The following NTSR1 variants were observed in gnomAD, a reference collection of about 807,000 sequenced individuals.
NTSR1 encodes the protein neurotensin receptor 1, also known as neurotensin receptor type 1.
A neutral mutation model predicts 31.2 loss-of-function variants in NTSR1; 29 were observed. The observed-to-expected ratio is 0.93, with a 90% confidence interval of 0.69 to 1.27. The LOEUF (loss-of-function observed/expected upper bound fraction) is 1.27, where lower values mean the gene tolerates loss of function less well. Among genes scored for constraint, NTSR1 ranks in the 50% most tolerant of loss-of-function variants. The probability of loss-of-function intolerance (pLI) is 0.00; values close to 1 mark genes in which losing one functional copy is unlikely to be tolerated. For synonymous variants in NTSR1, 282 were observed against 269.9 expected (o/e 1.04, Z -0.44); for missense variants, 697 against 595.4 (o/e 1.17, Z -1.78).
At chr20:62,757,325 G>A (rs545311739) in intron 2 of NTSR1, among the ~76,000 whole-genome samples, 2 of 152,292 alleles carry the variant, frequency 1.3e-5, no homozygotes, top group Admixed American at 1.3e-4. Flanking sequence ...TGAATAGACT[G>A]TCCTTTCCCC....
In NTSR1 at chr20:62,760,858, GCCGTGGGGAGTCCCTCCCACCA is replaced by G. The variant is rs1568714213; in HGVS notation, c.*594_*615del. On this transcript the variant is annotated 3_prime_UTR_variant, in exon 4 of 4. Coordinates refer to ENST00000370501, the MANE Select transcript of NTSR1 (RefSeq NM_002531.3). Reference sequence around the variant, plus strand: ...AGGCCTGGCAAGCTGGGGGCCCATCGCCGTGGGGAGTCCCTCCCACCACCCTCGCCGCAGGCAGCTGCAGCCC... The same window carrying G: ...AGGCCTGGCAAGCTGGGGGCCCATCGCCCTCGCCGCAGGCAGCTGCAGCCC... 1 of 152,704 alleles carries G rather than the reference GCCGTGGGGAGTCCCTCCCACCA, an allele frequency of 6.5e-6. No homozygotes were observed. The highest frequency in any genetic ancestry group is 2.4e-5 in the African/African-American group (1 of 41,442). 9.5% of individuals were successfully genotyped at this position (152,704 alleles called of 1,614,324 possible).
At chr20:62,718,529 C>G (rs1988774749) in intron 1 of NTSR1, among the ~76,000 whole-genome samples, 1 of 151,614 alleles carries the variant, frequency 6.6e-6, no homozygotes, top group Non-Finnish European at 1.5e-5. Flanking sequence ...CCCTCCAGCC[C>G]TGTGGCCCAC....
chr20:62,715,513 G>A lies in NTSR1; in HGVS notation c.714+5592G>A, dbSNP rs534580936. On this transcript the variant is annotated intron_variant, in intron 1 of 3. Transcript: ENST00000370501. This position sits in a 1 kb window ranked among gnomAD's most constrained non-coding sequence, Gnocchi z 4.7. ...GAGTGAGATGGGCAAGGGTGGGAAC[G>A]TGAGGGGCCCAGAGCTGGCCATGGC... 4.6e-5 allele frequency among the ~76,000 whole-genome samples: 7 copies of A among 152,348 alleles called. No individual in the cohort carries two copies. Among genetic ancestry groups the A allele is most frequent in the Non-Finnish European group, 1.0e-4 (7 of 68,024 alleles).
chr20:62,760,565 G>A lies in NTSR1; in HGVS notation c.*298G>A, dbSNP rs956657598. On this transcript the variant is annotated 3_prime_UTR_variant, in exon 4 of 4. Coordinates refer to ENST00000370501, the MANE Select transcript of NTSR1 (RefSeq NM_002531.3). ...CTCTAACAAGGAGAAATTAGTGTGCGGCAAAAGGCAGTTTTCTTTGTTCTC... is the reference window on the plus strand; with the variant it reads ...CTCTAACAAGGAGAAATTAGTGTGCAGCAAAAGGCAGTTTTCTTTGTTCTC... 29 of 355,938 alleles carry A rather than the reference G, an allele frequency of 8.1e-5. No individual in the cohort carries two copies. Among genetic ancestry groups the A allele is most frequent in the Non-Finnish European group, 1.3e-4 (26 of 194,662 alleles). 22.0% of individuals were successfully genotyped at this position (355,938 alleles called of 1,614,324 possible). A position where few individuals can be genotyped will look rare whatever the true frequency, so the allele number is the denominator to read the frequency against.
chr20:62,729,018 C>T (rs1448700051), intron 1 of NTSR1, among the ~76,000 whole-genome samples: 1 of 152,248 alleles, frequency 6.6e-6, no homozygotes, highest in Non-Finnish European at 1.5e-5. Context: ...TGGCAAGAGC[C>T]AAGAGATGGA....
At position 62,744,871 on chromosome 20, in the gene NTSR1, C is replaced by A. The variant is rs1334834463; in HGVS notation, c.715-9814C>A. On this transcript the variant is annotated intron_variant, in intron 1 of 3. Coordinates refer to ENST00000370501, the MANE Select transcript of NTSR1 (RefSeq NM_002531.3). The surrounding 1 kb of genome is among the most constrained non-coding windows in gnomAD (Gnocchi z 4.1). ...CTGAGAGGCTTGAGGCCCTACCAAC[C>A]ACTCAAACGCCATTCCCAGACCCAG... 1.3e-5 allele frequency among the ~76,000 whole-genome samples: 2 copies of A among 152,204 alleles called. No individual in the cohort carries two copies. The highest frequency in any genetic ancestry group is 2.9e-5 in the Non-Finnish European group (2 of 68,030).
intron 1 of NTSR1, among the ~76,000 whole-genome samples, chr20:62,725,403 G>A (rs114091710): frequency 0.041 from 6,275 of 152,322 alleles, 144 homozygotes; most frequent in Non-Finnish European, 0.051. Flanking sequence ...AGCGGGAGGC[G>A]GGAGGCGAGT....
intron 1 of NTSR1, among the ~76,000 whole-genome samples, chr20:62,728,926 C>T (rs559913856): frequency 1.1e-4 from 16 of 152,154 alleles, no homozygotes; most frequent in African/African-American, 2.7e-4. Flanking sequence ...TGAAGGAAGC[C>T]GGAGATGCTG....
intron 1 of NTSR1, among the ~76,000 whole-genome samples, chr20:62,735,072 A>G (rs945271189): frequency 1.3e-5 from 2 of 152,184 alleles, no homozygotes; most frequent in African/African-American, 2.4e-5. Flanking sequence ...GCAGCCCTGC[A>G]TGATGGGCAG....
chr20:62,753,525 C>T (rs1989429075), intron 1 of NTSR1, among the ~76,000 whole-genome samples: 1 of 152,226 alleles, frequency 6.6e-6, no homozygotes, highest in African/African-American at 2.4e-5. Context: ...CAGGCCGCTT[C>T]TCCAAGACAC....
intron 1 of NTSR1, among the ~76,000 whole-genome samples, chr20:62,720,707 C>G (rs935569953): frequency 2.6e-5 from 4 of 151,410 alleles, no homozygotes; most frequent in Admixed American, 6.6e-5. Context: ...TCTTCTTTTC[C>G]TAGATTTCCT....
At chr20:62,721,710 G>A (rs1988829811) in intron 1 of NTSR1, among the ~76,000 whole-genome samples, 1 of 152,214 alleles carries the variant, frequency 6.6e-6, no homozygotes, top group African/African-American at 2.4e-5. Flanking sequence ...ACACAGAACT[G>A]GGGGATCCCC....
chr20:62,748,761 T>C (rs1401726063), intron 1 of NTSR1, among the ~76,000 whole-genome samples: 1 of 152,144 alleles, frequency 6.6e-6, no homozygotes, highest in Non-Finnish European at 1.5e-5. Context: ...TGGACCCTCA[T>C]GAATGGATTA....
chr20:62,712,157 A>C lies in NTSR1; in HGVS notation c.714+2236A>C, dbSNP rs371195419. Reference sequence around the variant, plus strand: ...GTAGGAGAGGCCTTGGCTTCCCCTGACCCCTGCCCCGCCATTTGCCATTTT... The same window carrying C: ...GTAGGAGAGGCCTTGGCTTCCCCTGCCCCCTGCCCCGCCATTTGCCATTTT... On this transcript the variant is annotated intron_variant, in intron 1 of 3. Transcript: ENST00000370501. Among the ~76,000 whole-genome samples, 6 of 152,044 alleles carry C rather than the reference A, an allele frequency of 3.9e-5. No individual in the cohort carries two copies. In the East Asian group the frequency reaches 7.7e-4, roughly 20 times the overall value.
chr20:62,709,070 G>C lies in NTSR1; in HGVS notation c.-138G>C, dbSNP rs1052966975. ...GTCTGGGTCTGGCGCTTCCCGACTG[G>C]ACGGCGCGCCCGCTGGTCTTCGCCA... On this transcript the variant is annotated 5_prime_UTR_variant, in exon 1 of 4. Coordinates refer to ENST00000370501, the MANE Select transcript of NTSR1 (RefSeq NM_002531.3). 7.6e-6 allele frequency: 5 copies of C among 660,010 alleles called. No individual in the cohort carries two copies. The allele number at this position is 660,010 out of a possible 1,614,324, so 40.9% of individuals were successfully genotyped here. A position where few individuals can be genotyped will look rare whatever the true frequency, so the allele number is the denominator to read the frequency against.
Position 62,760,665 on chromosome 20 carries a change from T to G in NTSR1, c.*398T>G. ...CGGGCCTCCGGCGGCCCGGCTGCTG[T>G]TCCCATGTCCACATCTCTGAGGCCT... On this transcript the variant is annotated 3_prime_UTR_variant, in exon 4 of 4. Coordinates refer to ENST00000370501, the MANE Select transcript of NTSR1 (RefSeq NM_002531.3). The G allele has an allele frequency of 5.6e-6, 1 of 177,896 alleles. No individual in the cohort carries two copies. The highest frequency in any genetic ancestry group is 1.2e-5 in the Non-Finnish European group (1 of 82,668). The allele number at this position is 177,896 out of a possible 1,614,324, so 11.0% of individuals were successfully genotyped here. A position where few individuals can be genotyped will look rare whatever the true frequency, so the allele number is the denominator to read the frequency against.
Position 62,723,731 on chromosome 20 carries a change from C to G in NTSR1, c.714+13810C>G, listed in dbSNP as rs529509930. The stretch of plus-strand genomic sequence containing the variant: ...AGCCCAGGGACCTCCTCAGACACAG[C>G]AGCCTGAAGCTCCTCTCTCTGGCCT... On this transcript the variant is annotated intron_variant, in intron 1 of 3. Coordinates refer to ENST00000370501, the MANE Select transcript of NTSR1 (RefSeq NM_002531.3). 2.6e-5 allele frequency among the ~76,000 whole-genome samples: 4 copies of G among 152,340 alleles called. No individual in the cohort carries two copies. In the East Asian group the frequency reaches 5.8e-4, roughly 22 times the overall value.
chr20:62,749,169 C>T (rs577062291), intron 1 of NTSR1, among the ~76,000 whole-genome samples: 106 of 152,286 alleles, frequency 7.0e-4, no homozygotes, highest in South Asian at 1.2e-3. Context: ...AGGCCGGGCG[C>T]GGTGGCTCAC....
chr20:62,750,640 G>A (rs1436431915), intron 1 of NTSR1, among the ~76,000 whole-genome samples: 24 of 143,664 alleles, frequency 1.7e-4, no homozygotes, highest in Non-Finnish European at 2.5e-4. Context: ...GCAGTGAGCC[G>A]AGATCATGCC....
Sources: allele counts gnomAD v4.1 joint callset (sites outside exome capture counted in the v4.1 genomes callset), GRCh38; gene constraint gnomAD v4.1.1; non-coding constraint Gnocchi (gnomAD v3.1); transcripts MANE v1.5; gene names NCBI Gene and HGNC (gene_info 2026-07-23, HGNC 2026-07-21).